Variants in CNTN6 observed in about 807,000 individuals in gnomAD.
CNTN6 encodes contactin-6.
In CNTN6, 137 loss-of-function variants were observed where a neutral mutation model predicts 122.8. The observed-to-expected ratio is 1.12, with a 90% CI of 0.97 to 1.29. The LOEUF (loss-of-function observed/expected upper bound fraction) is 1.29. Among genes scored for constraint, CNTN6 ranks in the 50% most tolerant of loss-of-function variants. CNTN6 has a pLI of 0.00. For missense variants in CNTN6, 1,634 were observed against 1,223.4 expected, an observed-to-expected ratio of 1.34 and a Z score of -5.01; for synonymous variants, 570 against 426.0, an observed-to-expected ratio of 1.34 and a Z score of -4.16.
intron 4 of CNTN6, among the ~76,000 whole-genome samples, chr3:1,245,225 T>C (rs1393124775): frequency 0.037 from 632 of 17,190 alleles, 100 homozygotes; most frequent in Middle Eastern, 0.15. Context: ...TATATATATA[T>C]ATATATATAT....
intron 1 of CNTN6, among the ~76,000 whole-genome samples, chr3:1,138,937 C>T (rs571165810): frequency 8.5e-5 from 13 of 152,136 alleles, no homozygotes; most frequent in African/African-American, 3.1e-4. Context: ...TACTCACTAT[C>T]TCTTCTAGCT....
intron 4 of CNTN6, among the ~76,000 whole-genome samples, chr3:1,262,262 C>T (rs1332514046): frequency 6.6e-6 from 1 of 152,014 alleles, no homozygotes; most frequent in Non-Finnish European, 1.5e-5. Context: ...CTAGGATAAG[C>T]CAAAGCAATA....
At chr3:1,316,758 T>C (rs545554946) in intron 7 of CNTN6, among the ~76,000 whole-genome samples, 1 of 152,052 alleles carries the variant, frequency 6.6e-6, no homozygotes, top group East Asian at 1.9e-4. Context: ...GAATGGTATC[T>C]CTTGGAAAAA....
intron 12 of CNTN6, among the ~76,000 whole-genome samples, chr3:1,370,072 T>C (rs1454308034): frequency 6.6e-6 from 1 of 152,056 alleles, no homozygotes; most frequent in East Asian, 1.9e-4. Flanking sequence ...AATAATTTAA[T>C]GTGTATCTTT....
At chr3:1,225,713 T>TC (rs1322721537) in intron 3 of CNTN6, among the ~76,000 whole-genome samples, 1 of 151,102 alleles carries the variant, frequency 6.6e-6, no homozygotes, top group Non-Finnish European at 1.5e-5. Context: ...TTTTTTTTTT[T>TC]CACTTTTTTC....
intron 2 of CNTN6, among the ~76,000 whole-genome samples, chr3:1,176,535 C>G (rs545657790): frequency 6.6e-6 from 1 of 152,188 alleles, no homozygotes; most frequent in East Asian, 1.9e-4. Context: ...AGATACGAGG[C>G]AAACTAGGGA....
chr3:1,341,170 G>A (rs544892211), intron 11 of CNTN6, among the ~76,000 whole-genome samples: 3 of 151,092 alleles, frequency 2.0e-5, no homozygotes, highest in African/African-American at 7.3e-5. Flanking sequence ...AGTAACTTTG[G>A]GAGCATAGTT....
At chr3:1,281,549 C>T (rs946996705) in intron 5 of CNTN6, among the ~76,000 whole-genome samples, 4 of 151,712 alleles carry the variant, frequency 2.6e-5, no homozygotes, top group Middle Eastern at 3.4e-3. Context: ...ACCACTACCT[C>T]CGCCTCCCAG....
At chr3:1,108,704 T>G (rs1467725002) in intron 1 of CNTN6, among the ~76,000 whole-genome samples, 6 of 152,132 alleles carry the variant, frequency 3.9e-5, no homozygotes, top group African/African-American at 1.2e-4. Context: ...GCACTTTTAA[T>G]TTTGTAAATA....
At chr3:1,230,645 A>G (rs1471408361) in intron 4 of CNTN6, among the ~76,000 whole-genome samples, 1 of 152,166 alleles carries the variant, frequency 6.6e-6, no homozygotes, top group East Asian at 1.9e-4. Flanking sequence ...AGTTGCTATC[A>G]TTGCCCCCAT....
chr3:1,384,810 CACAT>C (rs1559990671), intron 19 of CNTN6, among the ~76,000 whole-genome samples: 1 of 136,242 alleles, frequency 7.3e-6, no homozygotes, highest in African/African-American at 2.6e-5. Context: ...CACACACACA[CACAT>C]ATATATATAT....
Position 1,385,643 on chromosome 3 carries a change from C to A in CNTN6, c.2550C>A (p.Ser850=). Residue 850 remains serine, a synonymous_variant, in exon 20 of 23, where the codon TCC becomes TCA. Coordinates refer to ENST00000446702, the MANE Select transcript of CNTN6 (RefSeq NM_001289080.2). ...VLYWTDDSKE[S]MIGKIRVSGN... ...ACTGGACAGATGACTCCAAAGAATC[C>A]ATGATAGGTAAAATTAGAGTCAGTG... is the stretch of plus-strand genomic sequence containing the variant. The A allele has an allele frequency of 6.2e-7, 1 of 1,613,838 alleles. No individual in the cohort carries two copies. Among genetic ancestry groups the A allele is most frequent in the Non-Finnish European group, 8.5e-7 (1 of 1,179,828 alleles).
chr3:1,329,254 T>C (rs1419404181), intron 10 of CNTN6, among the ~76,000 whole-genome samples: 1 of 105,488 alleles, frequency 9.5e-6, no homozygotes, highest in Non-Finnish European at 1.7e-5. Context: ...CATGTATATG[T>C]GTGTGTGTGT....
chr3:1,384,790 T>TACAC (rs1366071144), intron 19 of CNTN6, among the ~76,000 whole-genome samples: 2 of 136,080 alleles, frequency 1.5e-5, no homozygotes, highest in Admixed American at 7.5e-5. Flanking sequence ...TATATATATA[T>TACAC]ATATATACAC....
intron 4 of CNTN6, among the ~76,000 whole-genome samples, chr3:1,265,218 C>T (rs1466099075): frequency 6.6e-6 from 1 of 152,142 alleles, no homozygotes; most frequent in African/African-American, 2.4e-5. Context: ...TGGATATATA[C>T]AAGAAGTGGG....
intron 1 of CNTN6, among the ~76,000 whole-genome samples, chr3:1,120,520 T>A (rs1362892396): frequency 6.6e-6 from 1 of 152,010 alleles, no homozygotes; most frequent in Non-Finnish European, 1.5e-5. Flanking sequence ...ATATTTTGCC[T>A]ATTTGCTTCT....
chr3:1,387,386 C>CAGAT (rs911646950), intron 20 of CNTN6, among the ~76,000 whole-genome samples: 62 of 152,148 alleles, frequency 4.1e-4, no homozygotes, highest in African/African-American at 1.4e-3. Flanking sequence ...AAGTTGTTGC[C>CAGAT]AGATAACTTG....
Position 1,228,008 on chromosome 3 carries a change from A to C in CNTN6, c.358+15A>C. 1 of 1,607,238 alleles carries C rather than the reference A, an allele frequency of 6.2e-7. No homozygotes were observed. The highest frequency in any genetic ancestry group is 8.5e-7 in the Non-Finnish European group (1 of 1,176,044). Reference sequence around the variant, plus strand: ...CCAATTTGCATGTGAGTTTGGGGTAAATTTTGTAATCTTTGTCTCTGAAAA... The same window carrying C: ...CCAATTTGCATGTGAGTTTGGGGTACATTTTGTAATCTTTGTCTCTGAAAA... On this transcript the variant is annotated intron_variant, in intron 4 of 22. Transcript: ENST00000446702.
intron 4 of CNTN6, among the ~76,000 whole-genome samples, chr3:1,228,300 CT>C (rs2094311612): frequency 6.6e-6 from 1 of 151,976 alleles, no homozygotes; most frequent in Non-Finnish European, 1.5e-5. Context: ...CATTCTTTTT[CT>C]TTTTCTTTTG....
Sources: gnomAD v4.1 joint callset for allele counts (sites outside exome capture counted in the v4.1 genomes callset) on GRCh38, gnomAD v4.1.1 for gene constraint, MANE v1.5 for transcripts, NCBI Gene and HGNC (gene_info 2026-07-23, HGNC 2026-07-21) for gene names.